STEAP1B: variants seen among roughly 807,000 people sequenced by gnomAD.
STEAP1B encodes STEAP family member 1B, also known as STEAP family protein MGC87042.
A neutral mutation model predicts 27.9 loss-of-function variants in STEAP1B; 13 were observed. The observed-to-expected ratio is 0.47, with a 90% CI of 0.30 to 0.74. The LOEUF (loss-of-function observed/expected upper bound fraction) is 0.74. Ranked by LOEUF, STEAP1B falls within the 30% of genes least tolerant of loss-of-function variation. The probability of loss-of-function intolerance (pLI) is 0.06; values close to 1 mark genes in which losing one functional copy is unlikely to be tolerated. For missense variants in STEAP1B, 250 were observed against 298.7 expected, an observed-to-expected ratio of 0.84 and a Z score of 1.20; for synonymous variants, 86 against 107.1, an observed-to-expected ratio of 0.80 and a Z score of 1.22.
At chr7:22,446,783 C>T (rs934641386) in intron 4 of STEAP1B, among the ~76,000 whole-genome samples, 10 of 152,210 alleles carry the variant, frequency 6.6e-5, no homozygotes, top group Admixed American at 3.9e-4. Context: ...TGAACCCTCC[C>T]TGAACCTCAG....
intron 4 of STEAP1B, among the ~76,000 whole-genome samples, chr7:22,429,907 C>T (rs1785156358): frequency 6.6e-6 from 1 of 151,836 alleles, no homozygotes; most frequent in African/African-American, 2.4e-5. Flanking sequence ...TGTAGTAAAA[C>T]CTTACAAAAA....
At position 22,452,283 on chromosome 7, in the gene STEAP1B, T is replaced by G. The variant is rs1254734225; in HGVS notation, c.763-32447A>C. On this transcript the variant is annotated intron_variant, in intron 4 of 4. Coordinates refer to ENST00000678116, the MANE Select transcript of STEAP1B (RefSeq NM_001382447.1). ...GCTCGTCACAGCACCCTGAGAACTG[T>G]CACCACTGAAATGAACGCTCCTGAG... 2.0e-5 allele frequency among the ~76,000 whole-genome samples: 3 copies of G among 152,044 alleles called. No homozygotes were observed. In the East Asian group the frequency reaches 5.8e-4, roughly 29 times the overall value.
At chr7:22,444,390 T>A (rs192000094) in intron 4 of STEAP1B, among the ~76,000 whole-genome samples, 2 of 152,086 alleles carry the variant, frequency 1.3e-5, no homozygotes, top group Admixed American at 1.3e-4. Context: ...CACCTCTAAC[T>A]ATGCGTCCTT....
intron 4 of STEAP1B, among the ~76,000 whole-genome samples, chr7:22,439,576 T>C (rs1363994949): frequency 2.6e-5 from 4 of 152,168 alleles, no homozygotes; most frequent in African/African-American, 7.2e-5. Context: ...ATTGAAGACA[T>C]GTTTTTATAG....
intron 4 of STEAP1B, among the ~76,000 whole-genome samples, chr7:22,441,913 T>G (rs1010576731): frequency 6.6e-6 from 1 of 152,234 alleles, no homozygotes; most frequent in Non-Finnish European, 1.5e-5. Context: ...AGTAAGACTT[T>G]TGAATAAAAC....
At chr7:22,446,332 T>C (rs577791136) in intron 4 of STEAP1B, among the ~76,000 whole-genome samples, 1 of 152,382 alleles carries the variant, frequency 6.6e-6, no homozygotes, top group Non-Finnish European at 1.5e-5. Context: ...GGGACAGGAC[T>C]GCGCTTTGCA....
chr7:22,496,286 G>C (rs1189908567), intron 1 of STEAP1B, among the ~76,000 whole-genome samples: 3 of 152,162 alleles, frequency 2.0e-5, no homozygotes, highest in Non-Finnish European at 4.4e-5. Flanking sequence ...TTTAAGCTAA[G>C]TGTTATTACA....
At chr7:22,476,328 T>C (rs760880525) in intron 4 of STEAP1B, among the ~76,000 whole-genome samples, 1 of 152,080 alleles carries the variant, frequency 6.6e-6, no homozygotes, top group Non-Finnish European at 1.5e-5. Flanking sequence ...AAACAAGACA[T>C]AGGGTCTATT....
intron 4 of STEAP1B, among the ~76,000 whole-genome samples, chr7:22,453,662 C>T (rs752188660): frequency 2.0e-5 from 3 of 152,218 alleles, no homozygotes; most frequent in Non-Finnish European, 4.4e-5. Flanking sequence ...CAAAACACAA[C>T]ATCAAATAAT....
chr7:22,439,746 T>C (rs142120411), intron 4 of STEAP1B, among the ~76,000 whole-genome samples: 161 of 152,278 alleles, frequency 1.1e-3, no homozygotes, highest in African/African-American at 3.7e-3. Flanking sequence ...CTAAAGGAAA[T>C]AGAAACTATC....
At chr7:22,464,686 G>T (rs1785740892) in intron 4 of STEAP1B, among the ~76,000 whole-genome samples, 1 of 151,602 alleles carries the variant, frequency 6.6e-6, no homozygotes, top group African/African-American at 2.4e-5. Flanking sequence ...CACGCACACA[G>T]AAAAAACCCA....
chr7:22,473,268 G>A (rs1405883524), intron 4 of STEAP1B, among the ~76,000 whole-genome samples: 2 of 152,104 alleles, frequency 1.3e-5, no homozygotes, highest in East Asian at 3.9e-4. Flanking sequence ...ACCCTTTCTA[G>A]TTGATCAAGG....
At chr7:22,478,062 C>T (rs752076152) in intron 4 of STEAP1B, among the ~76,000 whole-genome samples, 11 of 152,278 alleles carry the variant, frequency 7.2e-5, no homozygotes, top group South Asian at 2.1e-4. Context: ...GGCTGCTGGG[C>T]GGCCTGAGAG....
chr7:22,451,962 T>C (rs1054063675), intron 4 of STEAP1B, among the ~76,000 whole-genome samples: 1 of 152,212 alleles, frequency 6.6e-6, no homozygotes, highest in Non-Finnish European at 1.5e-5. Flanking sequence ...GTAGGATTGG[T>C]ATTAGTGGTT....
intron 1 of STEAP1B, among the ~76,000 whole-genome samples, chr7:22,496,879 G>A (rs980770055): frequency 3.3e-5 from 5 of 152,192 alleles, no homozygotes; most frequent in East Asian, 1.9e-4. Context: ...AAAGGATAAC[G>A]AGATGCTTTT....
At chr7:22,424,887 T>A (rs1785086882) in intron 4 of STEAP1B, among the ~76,000 whole-genome samples, 1 of 72,430 alleles carries the variant, frequency 1.4e-5, no homozygotes, top group African/African-American at 3.9e-5. Context: ...GAGTACAAAT[T>A]GTTAAGTGAA....
At chr7:22,438,377 T>C (rs1223103418) in intron 4 of STEAP1B, 3 of 1,214,772 alleles carry the variant, frequency 2.5e-6, no homozygotes, top group Admixed American at 5.6e-5. Context: ...ATTAAAATAA[T>C]TGGAGTAAGT....
At chr7:22,471,346 A>AT (rs1473122546) in intron 4 of STEAP1B, among the ~76,000 whole-genome samples, 1 of 152,124 alleles carries the variant, frequency 6.6e-6, no homozygotes, top group African/African-American at 2.4e-5. Flanking sequence ...CCGTTTCCTC[A>AT]TTTTTTTAGG....
intron 4 of STEAP1B, among the ~76,000 whole-genome samples, chr7:22,475,726 C>T (rs1785960454): frequency 6.6e-6 from 1 of 152,172 alleles, no homozygotes; most frequent in Non-Finnish European, 1.5e-5. Context: ...TGGGAGTGAC[C>T]AACCCAGAGA....
Sources: allele counts gnomAD v4.1 joint callset (sites outside exome capture counted in the v4.1 genomes callset), GRCh38; gene constraint gnomAD v4.1.1; transcripts MANE v1.5; gene names NCBI Gene and HGNC (gene_info 2026-07-23, HGNC 2026-07-21).